MARCHF1: variants seen among roughly 807,000 people sequenced by gnomAD.
MARCHF1 encodes E3 ubiquitin-protein ligase MARCHF1.
In MARCHF1, 40 loss-of-function variants were observed where a neutral mutation model predicts 54.2. The ratio of observed to expected loss-of-function variants is 0.74; its 90% confidence interval spans 0.57 to 0.96. MARCHF1 has a LOEUF of 0.96. Ranked by LOEUF, MARCHF1 falls within the 40% of genes least tolerant of loss-of-function variation. The probability of loss-of-function intolerance (pLI) is 0.00; values close to 1 mark genes in which losing one functional copy is unlikely to be tolerated. For missense variants in MARCHF1, 586 were observed against 656.5 expected, an observed-to-expected ratio of 0.89 and a Z score of 1.17; for synonymous variants, 236 against 236.3, an observed-to-expected ratio of 1.00 and a Z score of 0.01.
chr4:164,290,743 A>C (rs1440906130), intron 1 of MARCHF1, among the ~76,000 whole-genome samples: 1 of 151,982 alleles, frequency 6.6e-6, no homozygotes, highest in Non-Finnish European at 1.5e-5. Context: ...TTCATACTTC[A>C]CTTTAATGAA....
intron 4 of MARCHF1, among the ~76,000 whole-genome samples, chr4:163,725,955 G>A (rs1365473150): frequency 2.0e-5 from 3 of 151,706 alleles, no homozygotes; most frequent in Non-Finnish European, 4.4e-5. Context: ...GTAATAAATT[G>A]ATAACAAATA....
intron 3 of MARCHF1, among the ~76,000 whole-genome samples, chr4:163,949,933 C>T (rs1344664496): frequency 6.6e-6 from 1 of 152,206 alleles, no homozygotes; most frequent in East Asian, 1.9e-4. Context: ...CGTGGGTACC[C>T]CCTCTCCATA....
At chr4:163,866,504 TAATA>T (rs1296126346) in intron 3 of MARCHF1, among the ~76,000 whole-genome samples, 1 of 111,280 alleles carries the variant, frequency 9.0e-6, no homozygotes, top group Non-Finnish European at 2.1e-5. Context: ...GTAGTTTATA[TAATA>T]TATATAATAA....
At chr4:163,820,818 T>C (rs963393764) in intron 4 of MARCHF1, among the ~76,000 whole-genome samples, 1 of 152,034 alleles carries the variant, frequency 6.6e-6, no homozygotes, top group African/African-American at 2.4e-5. Flanking sequence ...CCATGAATTC[T>C]AGTCCATGTT....
At chr4:164,207,257 G>A (rs1049918848) in intron 1 of MARCHF1, among the ~76,000 whole-genome samples, 1 of 152,186 alleles carries the variant, frequency 6.6e-6, no homozygotes, top group Non-Finnish European at 1.5e-5. Context: ...CCTGGTTACA[G>A]CACTGCCAAT....
intron 5 of MARCHF1, among the ~76,000 whole-genome samples, chr4:163,649,345 T>C (rs1489555706): frequency 1.3e-5 from 2 of 152,050 alleles, no homozygotes; most frequent in African/African-American, 2.4e-5. Flanking sequence ...GAATGCCTAA[T>C]GGTACAATGA....
At chr4:163,581,809 C>T (rs928935285) in intron 8 of MARCHF1, among the ~76,000 whole-genome samples, 4 of 152,136 alleles carry the variant, frequency 2.6e-5, no homozygotes, top group Non-Finnish European at 4.4e-5. Flanking sequence ...TTCCAATTTT[C>T]ACTATTTTTG....
At chr4:163,549,234 C>T (rs553124553) in intron 8 of MARCHF1, among the ~76,000 whole-genome samples, 27 of 152,266 alleles carry the variant, frequency 1.8e-4, no homozygotes, top group African/African-American at 6.0e-4. Flanking sequence ...TAGTTTTTCC[C>T]ACATGCCCCC....
chr4:163,959,519 T>C (rs1278131593), intron 3 of MARCHF1, among the ~76,000 whole-genome samples: 1 of 151,828 alleles, frequency 6.6e-6, no homozygotes. Context: ...CACACGTTTA[T>C]GACCATCTGA....
At chr4:164,309,985 T>C (rs1387154578) in intron 1 of MARCHF1, among the ~76,000 whole-genome samples, 1 of 151,524 alleles carries the variant, frequency 6.6e-6, no homozygotes, top group South Asian at 2.1e-4. Context: ...ATCATGTTCC[T>C]TTTTTTTAAT....
intron 1 of MARCHF1, among the ~76,000 whole-genome samples, chr4:164,354,608 G>A (rs879797165): frequency 1.5e-3 from 225 of 146,044 alleles, no homozygotes; most frequent in Middle Eastern, 6.8e-3. Context: ...TTGATGGGAC[G>A]TATTTCAAAA....
At chr4:163,942,631 A>C (rs1289073499) in intron 3 of MARCHF1, among the ~76,000 whole-genome samples, 1 of 152,164 alleles carries the variant, frequency 6.6e-6, no homozygotes, top group African/African-American at 2.4e-5. Context: ...GTGATGGTAG[A>C]ATATAGCATG....
intron 3 of MARCHF1, among the ~76,000 whole-genome samples, chr4:163,949,387 TGGCTCGTGAAGCTCTAGGGCTG>T (rs1752086819): frequency 6.6e-6 from 1 of 152,136 alleles, no homozygotes; most frequent in South Asian, 2.1e-4. Context: ...GTCACAGCCC[TGGCTCGTGAAGCTCTAGGGCTG>T]GGCTCCCCAA....
At chr4:163,603,352 G>A (rs28623104) in intron 7 of MARCHF1, among the ~76,000 whole-genome samples, 2,849 of 152,110 alleles carry the variant, frequency 0.019, 85 homozygotes, top group African/African-American at 0.065. Context: ...CTAGATTCAC[G>A]TTCAGCTGCC....
At chr4:164,275,917 A>C (rs1733869940) in intron 1 of MARCHF1, among the ~76,000 whole-genome samples, 1 of 152,200 alleles carries the variant, frequency 6.6e-6, no homozygotes. Flanking sequence ...AATATTTGCC[A>C]AAGTCAAGTT....
intron 2 of MARCHF1, among the ~76,000 whole-genome samples, chr4:164,108,301 GTTT>G (rs1755752420): frequency 6.6e-6 from 1 of 152,128 alleles, no homozygotes; most frequent in South Asian, 2.1e-4. Context: ...CAAGCCTGCT[GTTT>G]TTATTTTATT....
Position 163,773,926 on chromosome 4 carries a change from C to T in MARCHF1, c.112-73063G>A, listed in dbSNP as rs1747231170. Among the ~76,000 whole-genome samples the T allele has an allele frequency of 3.3e-5, 5 of 152,072 alleles. No individual in the cohort carries two copies. The South Asian group carries it at 1.0e-3, about 32-fold the overall frequency. The stretch of plus-strand genomic sequence containing the variant: ...ATGGTGCCATTCAAGCCAAATAAAA[C>T]AGGTCCAATTGCCATTCAAAGAAGT... On this transcript the variant is annotated intron_variant, in intron 4 of 9. Coordinates refer to ENST00000514618, the MANE Select transcript of MARCHF1 (RefSeq NM_001394959.1).
intron 3 of MARCHF1, among the ~76,000 whole-genome samples, chr4:163,973,205 G>T (rs1042297390): frequency 6.6e-6 from 1 of 152,196 alleles, no homozygotes. Flanking sequence ...TTCTGTTGCT[G>T]TATAACAAAC....
intron 5 of MARCHF1, among the ~76,000 whole-genome samples, chr4:163,628,012 C>A (rs962095300): frequency 1.3e-5 from 2 of 151,852 alleles, no homozygotes. Flanking sequence ...TCTTTGTGAT[C>A]TTGGAGTAGA....
Sources: gnomAD v4.1 joint callset for allele counts (sites outside exome capture counted in the v4.1 genomes callset) on GRCh38, gnomAD v4.1.1 for gene constraint, MANE v1.5 for transcripts, NCBI Gene and HGNC (gene_info 2026-07-23, HGNC 2026-07-21) for gene names.